The following ASAP1 variants were observed in gnomAD, a reference collection of about 807,000 sequenced individuals.
ASAP1 encodes the protein arf-GAP with SH3 domain, ANK repeat and PH domain-containing protein 1.
ASAP1 carries 43 observed loss-of-function variants against 145.2 expected under a neutral mutation model. The observed-to-expected ratio is 0.30, with a 90% CI of 0.23 to 0.38. ASAP1 has a LOEUF of 0.38. ASAP1 is among the 10% of genes least tolerant of loss of function. The pLI is 1.00. For synonymous variants in ASAP1, 546 were observed against 515.5 expected (o/e 1.06, Z -0.80); for missense variants, 1,018 against 1,355.3 (o/e 0.75, Z 3.91).
At chr8:130,355,616 A>C (rs1392146837) in intron 3 of ASAP1, among the ~76,000 whole-genome samples, 4 of 152,158 alleles carry the variant, frequency 2.6e-5, no homozygotes, top group African/African-American at 9.7e-5. Context: ...GTATGCCCCC[A>C]AATTTTTTCT....
chr8:130,139,541 C>T (rs907955895), intron 13 of ASAP1, among the ~76,000 whole-genome samples: 3 of 151,950 alleles, frequency 2.0e-5, no homozygotes, highest in East Asian at 1.9e-4. Context: ...GCCTGGCCAA[C>T]GTGGCGAAAC....
At chr8:130,424,162 A>G (rs566866038) in intron 1 of ASAP1, among the ~76,000 whole-genome samples, 1 of 152,366 alleles carries the variant, frequency 6.6e-6, no homozygotes, top group South Asian at 2.1e-4. Context: ...AAAAATCAAT[A>G]AATGTGAGCT....
intron 4 of ASAP1, among the ~76,000 whole-genome samples, chr8:130,225,878 T>G (rs1817557707): frequency 6.6e-6 from 1 of 152,122 alleles, no homozygotes; most frequent in Non-Finnish European, 1.5e-5. Flanking sequence ...CTAGGTAGAT[T>G]AAGATTTTGT....
At chr8:130,291,283 A>G (rs956525114) in intron 3 of ASAP1, among the ~76,000 whole-genome samples, 1 of 152,224 alleles carries the variant, frequency 6.6e-6, no homozygotes, top group Non-Finnish European at 1.5e-5. Flanking sequence ...CCAGAAATAG[A>G]CACTTGCTAA....
At chr8:130,184,508 A>C (rs1814586320) in intron 7 of ASAP1, among the ~76,000 whole-genome samples, 1 of 152,186 alleles carries the variant, frequency 6.6e-6, no homozygotes, top group Admixed American at 6.5e-5. Flanking sequence ...TTTGTAAAGA[A>C]CCCTGTACCA....
Position 130,358,027 on chromosome 8 carries a change from A to T in ASAP1, c.176T>A (p.Leu59Gln), listed in dbSNP as rs1586901472. 1 of 1,607,300 alleles carries T rather than the reference A, an allele frequency of 6.2e-7. No homozygotes were observed. The highest frequency in any genetic ancestry group is 1.3e-5 in the African/African-American group (1 of 74,432). Reference sequence around the variant, plus strand: ...CCCGGCCCGACCTACCTCCTCCAGCAGCGTGACGGTGTTCCTGCAGTTGTG... The same window carrying T: ...CCCGGCCCGACCTACCTCCTCCAGCTGCGTGACGGTGTTCCTGCAGTTGTG... Reference protein sequence around the residue: ...RLHNCRNTVTLLEEALDQDRT... With the variant: ...RLHNCRNTVTQLEEALDQDRT... Residue 59 changes from leucine (L) to glutamine (Q), a missense_variant, in exon 3 of 30, where the codon CTG (leucine) becomes CAG (glutamine). Around this residue, in one of 9 missense-constraint regions of ASAP1, gnomAD observed 106 missense variants for 134.5 expected, o/e 0.79. Coordinates refer to ENST00000518721, the MANE Select transcript of ASAP1 (RefSeq NM_018482.4). This position sits in a 1 kb window ranked among gnomAD's most constrained non-coding sequence, Gnocchi z 4.1.
intron 2 of ASAP1, among the ~76,000 whole-genome samples, chr8:130,373,185 A>G (rs139170075): frequency 0.02 from 3,105 of 151,970 alleles, 39 homozygotes; most frequent in Middle Eastern, 0.044. Context: ...AGAGCCAGAA[A>G]AAAAAAAAAA....
intron 5 of ASAP1, among the ~76,000 whole-genome samples, chr8:130,199,193 G>A (rs1586577317): frequency 6.6e-6 from 1 of 152,160 alleles, no homozygotes; most frequent in African/African-American, 2.4e-5. Flanking sequence ...TTACTGTCTA[G>A]AGCAAAGCTT....
At chr8:130,181,207 T>C (rs1814335260) in intron 7 of ASAP1, among the ~76,000 whole-genome samples, 1 of 152,206 alleles carries the variant, frequency 6.6e-6, no homozygotes, top group Non-Finnish European at 1.5e-5. Context: ...CTTAAGTTGG[T>C]AGAATCAATC....
intron 3 of ASAP1, among the ~76,000 whole-genome samples, chr8:130,238,912 C>T (rs1401117408): frequency 6.6e-6 from 1 of 152,116 alleles, no homozygotes; most frequent in African/African-American, 2.4e-5. Flanking sequence ...TTCCACCATA[C>T]CCATCACCTA....
intron 2 of ASAP1, among the ~76,000 whole-genome samples, chr8:130,395,028 C>CAAA (rs1330556474): frequency 6.6e-5 from 10 of 152,172 alleles, no homozygotes; most frequent in Admixed American, 6.5e-4. Flanking sequence ...GCATAAGAAG[C>CAAA]AAAAACTAAG....
At chr8:130,224,307 G>C (rs1454746258) in intron 4 of ASAP1, among the ~76,000 whole-genome samples, 1 of 152,042 alleles carries the variant, frequency 6.6e-6, no homozygotes, top group Non-Finnish European at 1.5e-5. Context: ...CCATAAAAGG[G>C]GAAGTGACAA....
chr8:130,282,892 C>T (rs1042550503), intron 3 of ASAP1, among the ~76,000 whole-genome samples: 3 of 152,148 alleles, frequency 2.0e-5, no homozygotes, highest in Non-Finnish European at 2.9e-5. Flanking sequence ...GTGGGTTTCG[C>T]TGCGGCAAAG....
chr8:130,256,742 TATATATATATA>T (rs1565142497), intron 3 of ASAP1, among the ~76,000 whole-genome samples: 15 of 24,372 alleles, frequency 6.2e-4, no homozygotes, highest in East Asian at 4.3e-3. Flanking sequence ...CACATTCTTA[TATATATATATA>T]TATATATATA....
chr8:130,289,949 AACATTTGG>A (rs1821849511), intron 3 of ASAP1, among the ~76,000 whole-genome samples: 1 of 152,184 alleles, frequency 6.6e-6, no homozygotes, highest in Non-Finnish European at 1.5e-5. Context: ...CAAAACTCTT[AACATTTGG>A]AATTCAGAAC....
chr8:130,183,807 A>G (rs1415412467), intron 7 of ASAP1, among the ~76,000 whole-genome samples: 1 of 152,172 alleles, frequency 6.6e-6, no homozygotes, highest in Non-Finnish European at 1.5e-5. Context: ...GTAATGGGCC[A>G]CCAAAATATG....
chr8:130,072,865 C>T lies in ASAP1; in HGVS notation c.2701+3483G>A, dbSNP rs1282066818. ...CAGTTTTGGGGACTGAGCTCTCACCCGGTGGGACTGGCACTATCTTCAGGT... is the reference window on the plus strand; with the variant it reads ...CAGTTTTGGGGACTGAGCTCTCACCTGGTGGGACTGGCACTATCTTCAGGT... On this transcript the variant is annotated intron_variant, in intron 27 of 29. Transcript: ENST00000518721. Among the ~76,000 whole-genome samples the T allele has an allele frequency of 6.5e-5, 7 of 107,052 alleles. No homozygotes were observed. In the East Asian group the frequency reaches 8.6e-4, roughly 13 times the overall value. 70.2% of individuals were successfully genotyped at this position (107,052 alleles called of 152,430 possible).
intron 3 of ASAP1, among the ~76,000 whole-genome samples, chr8:130,239,529 C>T (rs971014481): frequency 2.0e-5 from 3 of 151,964 alleles, no homozygotes; most frequent in Non-Finnish European, 2.9e-5. Flanking sequence ...TAATGATATC[C>T]GCGATAGGCT....
At position 130,172,993 on chromosome 8, in the gene ASAP1, T is replaced by C. The variant is rs1014916767; in HGVS notation, c.747-3926A>G. Among the ~76,000 whole-genome samples the C allele has an allele frequency of 3.3e-5, 5 of 152,368 alleles. No individual in the cohort carries two copies. The East Asian group carries it at 9.6e-4, about 29-fold the overall frequency. ...ACAAAACAAACCAGATACATGAATC[T>C]AGTAATCATCTAAGTGAGGAGATTA... On this transcript the variant is annotated intron_variant, in intron 9 of 29. Coordinates refer to ENST00000518721, the MANE Select transcript of ASAP1 (RefSeq NM_018482.4).
Sources: gnomAD v4.1 joint callset for allele counts (sites outside exome capture counted in the v4.1 genomes callset) on GRCh38, gnomAD v4.1.1 for gene constraint, gnomAD v4.1.1 regional missense constraint, Gnocchi (gnomAD v3.1) non-coding constraint, MANE v1.5 for transcripts, NCBI Gene and HGNC (gene_info 2026-07-23, HGNC 2026-07-21) for gene names.